The following SHANK2 variants were observed in gnomAD, a reference collection of about 807,000 sequenced individuals.
The protein encoded by SHANK2 is SH3 and multiple ankyrin repeat domains 2, also known as SH3 and multiple ankyrin repeat domains protein 2.
SHANK2 carries 43 observed loss-of-function variants against 133.7 expected under a neutral mutation model. That is an observed-to-expected ratio of 0.32 (90% confidence interval 0.25 to 0.41). The LOEUF is 0.41. Among genes scored for constraint, SHANK2 ranks in the 10% least tolerant of loss-of-function variants. The pLI, the probability that SHANK2 is intolerant of heterozygous loss-of-function variation, is 1.00. For missense variants in SHANK2, 1,994 were observed against 2,235.8 expected (o/e 0.89, Z 2.18); for synonymous variants, 1,017 against 952.8 (o/e 1.07, Z -1.24).
intron 3 of SHANK2, among the ~76,000 whole-genome samples, chr11:71,133,832 C>T (rs76272726): frequency 0.029 from 4,474 of 152,144 alleles, 205 homozygotes; most frequent in African/African-American, 0.098. Context: ...TCTATAATCC[C>T]AGAAGAATTT....
intron 25 of SHANK2, among the ~76,000 whole-genome samples, chr11:70,482,720 C>T (rs546292709): frequency 1.3e-5 from 2 of 152,226 alleles, no homozygotes; most frequent in South Asian, 4.1e-4. Context: ...AATAACAGGA[C>T]AGCTGGGAGG....
intron 14 of SHANK2, among the ~76,000 whole-genome samples, chr11:70,716,886 G>C (rs1321472971): frequency 8.0e-6 from 1 of 125,422 alleles, no homozygotes; most frequent in Non-Finnish European, 1.7e-5. Context: ...CACTGGACCG[G>C]GTCCCGGAGC....
At chr11:70,939,216 G>C (rs1176560648) in intron 10 of SHANK2, among the ~76,000 whole-genome samples, 1 of 152,118 alleles carries the variant, frequency 6.6e-6, no homozygotes, top group South Asian at 2.1e-4. Flanking sequence ...TTAAAAAGAG[G>C]ATAGCTCCAA....
intron 15 of SHANK2, among the ~76,000 whole-genome samples, chr11:70,662,370 G>C (rs1453824580): frequency 6.6e-6 from 1 of 152,190 alleles, no homozygotes; most frequent in Non-Finnish European, 1.5e-5. Context: ...CCCGGCGGCT[G>C]CCTGGGCGTC....
At chr11:70,696,492 G>C (rs936809455) in intron 15 of SHANK2, among the ~76,000 whole-genome samples, 5 of 152,166 alleles carry the variant, frequency 3.3e-5, no homozygotes, top group Non-Finnish European at 2.9e-5. Context: ...GCAGCCTTCT[G>C]CTGCTGCAGA....
chr11:70,559,582 C>T (rs1025033140), intron 17 of SHANK2, among the ~76,000 whole-genome samples: 7 of 152,254 alleles, frequency 4.6e-5, no homozygotes, highest in Admixed American at 2.6e-4. Flanking sequence ...ACCTGGCCCG[C>T]GCTTTCCTGG....
intron 15 of SHANK2, among the ~76,000 whole-genome samples, chr11:70,666,303 T>C (rs532502051): frequency 6.6e-6 from 1 of 152,224 alleles, no homozygotes; most frequent in East Asian, 1.9e-4. Context: ...TGGGACACTC[T>C]AGAAGAGACA....
At position 70,874,508 on chromosome 11, in the gene SHANK2, G is replaced by A. The variant is rs143702806; in HGVS notation, c.1174+21993C>T. On this transcript the variant is annotated intron_variant, in intron 11 of 25. Transcript: ENST00000601538. ...CAGGCACATGCCCTTCCTCTGTATG[G>A]CAAAATTATTTTCATTAACAGTCAT... is the stretch of plus-strand genomic sequence containing the variant. Among the ~76,000 whole-genome samples, 316 of 151,932 alleles carry A rather than the reference G, an allele frequency of 2.1e-3. 3 individuals carry two copies. In the Middle Eastern group the frequency reaches 0.027, roughly 13 times the overall value.
intron 17 of SHANK2, among the ~76,000 whole-genome samples, chr11:70,624,563 G>T (rs1482218443): frequency 1.3e-5 from 2 of 150,998 alleles, no homozygotes; most frequent in Admixed American, 6.6e-5. Flanking sequence ...GCCTCAAACC[G>T]TCTTTCCCTT....
intron 14 of SHANK2, among the ~76,000 whole-genome samples, chr11:70,766,583 T>C (rs1364302134): frequency 6.6e-6 from 1 of 152,186 alleles, no homozygotes; most frequent in African/African-American, 2.4e-5. Context: ...GTCACTAAAA[T>C]AGTTTCCACT....
At position 70,830,337 on chromosome 11, in the gene SHANK2, TGTGA is replaced by T. The variant is rs1393490043; in HGVS notation, c.1175-9659_1175-9656del. Among the ~76,000 whole-genome samples, 7 of 152,184 alleles carry T rather than the reference TGTGA, an allele frequency of 4.6e-5. No individual in the cohort carries two copies. The highest frequency in any genetic ancestry group is 1.7e-4 in the African/African-American group (7 of 41,438). On this transcript the variant is annotated intron_variant, in intron 11 of 25. Coordinates refer to ENST00000601538, the MANE Select transcript of SHANK2 (RefSeq NM_012309.5). This position sits in a 1 kb window ranked among gnomAD's most constrained non-coding sequence, Gnocchi z 4.4. ...AAGTTCTGTGTGGACAAATGTTCCG[TGTGA>T]GTGTTTGGGGTCCGGGCCCTCCCAG...
intron 14 of SHANK2, among the ~76,000 whole-genome samples, chr11:70,711,619 TG>T (rs1252388897): frequency 2.0e-5 from 3 of 151,774 alleles, no homozygotes; most frequent in African/African-American, 7.3e-5. Flanking sequence ...ACTCCACTCT[TG>T]GGGCCCAGTC....
At chr11:70,555,632 C>A (rs921123203) in intron 17 of SHANK2, among the ~76,000 whole-genome samples, 1 of 152,184 alleles carries the variant, frequency 6.6e-6, no homozygotes. Flanking sequence ...GAGGCTGAGG[C>A]AGTGGATCAC....
intron 14 of SHANK2, among the ~76,000 whole-genome samples, chr11:70,773,613 T>C (rs1947301188): frequency 6.6e-6 from 1 of 152,210 alleles, no homozygotes; most frequent in South Asian, 2.1e-4. Context: ...TTTCTTTATT[T>C]TCCAAATTTG....
chr11:71,157,352 T>C (rs1211394356), intron 2 of SHANK2, among the ~76,000 whole-genome samples: 1 of 152,236 alleles, frequency 6.6e-6, no homozygotes, highest in Non-Finnish European at 1.5e-5. Flanking sequence ...AATGCCTCAC[T>C]GGTGTGTTCT....
At chr11:70,813,340 G>A (rs1245522568) in intron 12 of SHANK2, among the ~76,000 whole-genome samples, 1 of 152,162 alleles carries the variant, frequency 6.6e-6, no homozygotes, top group Admixed American at 6.5e-5. Flanking sequence ...GGGGAGAAAT[G>A]GATGCCACAC....
At chr11:70,475,996 T>C (rs1555150027) in intron 25 of SHANK2, among the ~76,000 whole-genome samples, 1 of 151,336 alleles carries the variant, frequency 6.6e-6, no homozygotes, top group Non-Finnish European at 1.5e-5. Flanking sequence ...CCTAGGTGGG[T>C]GAATCATTTG....
chr11:70,509,539 G>A (rs1180216081), intron 17 of SHANK2, among the ~76,000 whole-genome samples: 3 of 152,220 alleles, frequency 2.0e-5, no homozygotes, highest in Non-Finnish European at 2.9e-5. Context: ...CATTGGTGTA[G>A]CCTTCGGGTC....
At chr11:70,809,020 GAC>G (rs1948224697) in intron 12 of SHANK2, among the ~76,000 whole-genome samples, 1 of 152,186 alleles carries the variant, frequency 6.6e-6, no homozygotes, top group Non-Finnish European at 1.5e-5. Flanking sequence ...CCGACAGTAA[GAC>G]ACACCTTAAC....
Sources: allele counts gnomAD v4.1 joint callset (sites outside exome capture counted in the v4.1 genomes callset), GRCh38; gene constraint gnomAD v4.1.1; non-coding constraint Gnocchi (gnomAD v3.1); transcripts MANE v1.5; gene names NCBI Gene and HGNC (gene_info 2026-07-23, HGNC 2026-07-21).